TTC7A: variants seen among roughly 807,000 people sequenced by gnomAD.
The protein encoded by TTC7A is tetratricopeptide repeat protein 7A.
A neutral mutation model predicts 103.7 loss-of-function variants in TTC7A; 110 were observed. The observed-to-expected ratio is 1.06, with a 90% CI of 0.91 to 1.24. The LOEUF is 1.24. Ranked by LOEUF, TTC7A falls within the 50% of genes most tolerant of loss-of-function variation. TTC7A has a pLI of 0.00. For missense variants in TTC7A, 1,340 were observed against 1,116.3 expected (o/e 1.20, Z -2.86); for synonymous variants, 521 against 467.9 (o/e 1.11, Z -1.47).
intron 5 of TTC7A, among the ~76,000 whole-genome samples, chr2:46,983,844 G>T (rs1227059943): frequency 6.6e-6 from 1 of 152,148 alleles, no homozygotes; most frequent in Non-Finnish European, 1.5e-5. Context: ...AGAGGTTAAG[G>T]AGTCCTCCCT....
intron 19 of TTC7A, among the ~76,000 whole-genome samples, chr2:47,061,259 A>G (rs1017485700): frequency 6.6e-6 from 1 of 152,170 alleles, no homozygotes; most frequent in Admixed American, 6.5e-5. Context: ...CTTTTGCTGT[A>G]GGGTTCCGCA....
chr2:46,947,688 G>A (rs968560291), intron 1 of TTC7A, among the ~76,000 whole-genome samples: 1 of 152,166 alleles, frequency 6.6e-6, no homozygotes, highest in Admixed American at 6.5e-5. Context: ...TTGCGCTTCA[G>A]CCTGGGTGAT....
chr2:46,932,811 G>A lies in TTC7A; in HGVS notation c.82+15534G>A, dbSNP rs530734490. Among the ~76,000 whole-genome samples the A allele has an allele frequency of 3.0e-4, 45 of 151,134 alleles. No homozygotes were observed. The East Asian group carries it at 8.8e-3, about 30-fold the overall frequency. ...AGCTACTCAAGCAGCTGAGGCAGGAGGATCGCTTGAACCCAGGAGGCAGAG... is the reference window on the plus strand; with the variant it reads ...AGCTACTCAAGCAGCTGAGGCAGGAAGATCGCTTGAACCCAGGAGGCAGAG... On this transcript the variant is annotated intron_variant, in intron 2 of 20. Coordinates refer to the TTC7A transcript ENST00000409245.
chr2:46,992,046 G>A (rs1040323174), intron 5 of TTC7A, among the ~76,000 whole-genome samples: 3 of 152,188 alleles, frequency 2.0e-5, no homozygotes, highest in Admixed American at 2.0e-4. Flanking sequence ...AATTGAAGAA[G>A]GGGCTTATGT....
chr2:46,988,241 A>C (rs577604155), intron 5 of TTC7A, among the ~76,000 whole-genome samples: 21 of 152,300 alleles, frequency 1.4e-4, no homozygotes, highest in African/African-American at 4.3e-4. Flanking sequence ...CACCTGGATG[A>C]CATCCTTGGT....
intron 5 of TTC7A, among the ~76,000 whole-genome samples, chr2:46,985,913 G>C: frequency 6.6e-6 from 1 of 152,222 alleles, no homozygotes; most frequent in Non-Finnish European, 1.5e-5. Flanking sequence ...TTTTGAGCCA[G>C]ATAACTTCAT....
At chr2:47,035,784 C>G (rs1681036128) in intron 15 of TTC7A, among the ~76,000 whole-genome samples, 1 of 152,224 alleles carries the variant, frequency 6.6e-6, no homozygotes, top group South Asian at 2.1e-4. Flanking sequence ...ACATGGTTCT[C>G]TGTAGCAGGG....
At chr2:47,002,907 ACCAGTCCCTAGGAC>A (rs1558562227) in intron 8 of TTC7A, among the ~76,000 whole-genome samples, 1 of 152,030 alleles carries the variant, frequency 6.6e-6, no homozygotes, top group Non-Finnish European at 1.5e-5. Flanking sequence ...CCCAGTTCGC[ACCAGTCCCTAGGAC>A]CCCCAGGGAG....
intron 2 of TTC7A, among the ~76,000 whole-genome samples, chr2:46,921,811 A>C (rs530367074): frequency 1.3e-5 from 2 of 152,276 alleles, no homozygotes; most frequent in Admixed American, 1.3e-4. Flanking sequence ...GATCCCTTAC[A>C]TGCGCAGTTC....
At chr2:46,997,327 A>G (rs1284550446) in intron 8 of TTC7A, among the ~76,000 whole-genome samples, 1 of 152,036 alleles carries the variant, frequency 6.6e-6, no homozygotes, top group Non-Finnish European at 1.5e-5. Flanking sequence ...TTCCAGTGCA[A>G]TTTACAGGTA....
At chr2:46,972,078 G>A (rs72888535) in intron 3 of TTC7A, among the ~76,000 whole-genome samples, 14,408 of 152,104 alleles carry the variant, frequency 0.095, 903 homozygotes, top group Admixed American at 0.15. Context: ...TTCAGGCAAA[G>A]CTGGATCTAG....
intron 14 of TTC7A, among the ~76,000 whole-genome samples, chr2:47,024,565 C>T (rs1679675504): frequency 6.6e-6 from 1 of 152,102 alleles, no homozygotes; most frequent in Admixed American, 6.5e-5. Flanking sequence ...GTGGTGGGTA[C>T]ACAGGAAGGG....
chr2:46,974,847 T>C, intron 3 of TTC7A, 126 bp from the exon 4 acceptor site: 1 of 1,318,520 alleles, frequency 7.6e-7, no homozygotes, highest in Non-Finnish European at 1.0e-6. Context: ...TCCGCAGACC[T>C]CCGCCTCCTC....
chr2:47,064,670 G>T (rs879863074), intron 19 of TTC7A, among the ~76,000 whole-genome samples: 8 of 152,256 alleles, frequency 5.3e-5, no homozygotes, highest in Admixed American at 5.2e-4. Flanking sequence ...GGAAACCAGG[G>T]AGTCCCAACA....
chr2:47,027,855 T>G (rs1033101787), intron 14 of TTC7A, among the ~76,000 whole-genome samples: 1 of 146,042 alleles, frequency 6.8e-6, no homozygotes, highest in African/African-American at 2.6e-5. Context: ...GCTGCTATAG[T>G]CACCAGGACT....
intron 19 of TTC7A, among the ~76,000 whole-genome samples, chr2:47,070,796 C>G (rs964575329): frequency 6.6e-6 from 1 of 152,150 alleles, no homozygotes; most frequent in Non-Finnish European, 1.5e-5. Flanking sequence ...TGGCTATAAC[C>G]AGCCCAAAGC....
chr2:46,985,738 A>G (rs535269800), intron 5 of TTC7A, among the ~76,000 whole-genome samples: 3 of 152,254 alleles, frequency 2.0e-5, no homozygotes, highest in Non-Finnish European at 4.4e-5. Flanking sequence ...GCATGTCTAC[A>G]TCAGTGAGCC....
chr2:47,006,885 C>T lies in TTC7A; in HGVS notation c.1287+161C>T, dbSNP rs75779681. Among the ~76,000 whole-genome samples the T allele has an allele frequency of 6.1e-3, 926 of 152,258 alleles. 7 individuals carry two copies. Among genetic ancestry groups the T allele is most frequent in the African/African-American group, 0.021 (882 of 41,560 alleles). ...GGCGTGGGGTGGGCCACACAGACAC[C>T]TTGTGTGAATTCCTGTCCACGTGCG... On this transcript the variant is annotated intron_variant, in intron 10 of 19. Transcript: ENST00000319190.
At chr2:47,025,488 A>G (rs1679798996) in intron 14 of TTC7A, among the ~76,000 whole-genome samples, 1 of 152,108 alleles carries the variant, frequency 6.6e-6, no homozygotes, top group Non-Finnish European at 1.5e-5. Context: ...GGGGCAAGCC[A>G]GGCTCTGCCC....
Sources: gnomAD v4.1 joint callset for allele counts (sites outside exome capture counted in the v4.1 genomes callset) on GRCh38, gnomAD v4.1.1 for gene constraint, MANE v1.5 for transcripts, NCBI Gene and HGNC (gene_info 2026-07-23, HGNC 2026-07-21) for gene names.